Variants in MLIP observed in about 807,000 individuals in gnomAD.
MLIP encodes the protein muscular LMNA-interacting protein.
A neutral mutation model predicts 84.8 loss-of-function variants in MLIP; 79 were observed. The observed-to-expected ratio is 0.93, with a 90% confidence interval of 0.78 to 1.12. The LOEUF is 1.12. Among genes scored for constraint, MLIP ranks in the 50% most tolerant of loss-of-function variants. The pLI, the probability that MLIP is intolerant of heterozygous loss-of-function variation, is 0.00. For missense variants in MLIP, 1,257 were observed against 1,160.6 expected (o/e 1.08, Z -1.21); for synonymous variants, 504 against 463.0 (o/e 1.09, Z -1.14).
At chr6:54,116,731 C>G (rs1445995651) in intron 1 of MLIP, among the ~76,000 whole-genome samples, 3 of 152,196 alleles carry the variant, frequency 2.0e-5, no homozygotes, top group Non-Finnish European at 4.4e-5. Flanking sequence ...GGAATACTTC[C>G]AACCTCATTC....
upstream of MLIP, among the ~76,000 whole-genome samples, chr6:54,106,808 A>C (rs1419393244): frequency 6.6e-6 from 1 of 152,164 alleles, no homozygotes; most frequent in Non-Finnish European, 1.5e-5. Context: ...GTGTGAGTGA[A>C]GTCATCCAGA....
At chr6:54,083,750 C>T (rs1767314189) in intron 1 of MLIP, 2 of 994,810 alleles carry the variant, frequency 2.0e-6, no homozygotes, top group Non-Finnish European at 3.0e-6. Flanking sequence ...GGTGGCATGG[C>T]TGTTTATAAT....
rs1771952142 is a variant in MLIP at position 54,137,840 on chromosome 6, T to C, written c.1771T>C (p.Leu591=). 1 of 1,536,088 alleles carries C rather than the reference T, an allele frequency of 6.5e-7. No individual in the cohort carries two copies. Among genetic ancestry groups the C allele is most frequent in the African/African-American group, 1.4e-5 (1 of 73,162 alleles). The change falls in exon 4 of 14, where the codon TTA becomes CTA. Residue 591 remains leucine, a synonymous_variant. Coordinates refer to ENST00000502396, the MANE Select transcript of MLIP (RefSeq NM_001281747.2). The stretch of plus-strand genomic sequence containing the variant: ...CCCTTCTACATTAGCCTCCTCTGCA[T>C]TATCTTCTCTATCTCCTCCTATTAA... The part of the protein sequence containing the change: ...TYPSTLASSA[L]SSLSPPINQR...
rs190117307 is a variant in MLIP at position 54,186,486 on chromosome 6, A to G, written c.2545-3384A>G. On this transcript the variant is annotated intron_variant, in intron 9 of 13. Coordinates refer to ENST00000502396, the MANE Select transcript of MLIP (RefSeq NM_001281747.2). Reference sequence around the variant, plus strand: ...TATTAGCCCATTTTCATACTGCTATAAAGAACTGTCTGAGACTGGGTAATT... The same window carrying G: ...TATTAGCCCATTTTCATACTGCTATGAAGAACTGTCTGAGACTGGGTAATT... 2.6e-4 allele frequency among the ~76,000 whole-genome samples: 40 copies of G among 152,350 alleles called. 1 individual carries two copies. The highest frequency in any genetic ancestry group is 1.4e-3 in the Admixed American group (21 of 15,292).
chr6:54,025,004 ATTTTT>A (rs79753738), intron 1 of MLIP, among the ~76,000 whole-genome samples: 1 of 140,008 alleles, frequency 7.1e-6, no homozygotes, highest in Non-Finnish European at 1.5e-5. Flanking sequence ...TGCCCAGCTA[ATTTTT>A]TTTTTTTTTT....
chr6:54,137,982 C>T lies in MLIP; in HGVS notation c.1913C>T (p.Pro638Leu). The T allele has an allele frequency of 6.5e-7, 1 of 1,535,952 alleles. No individual in the cohort carries two copies. Among genetic ancestry groups the T allele is most frequent in the South Asian group, 1.2e-5 (1 of 84,054 alleles). Residue 638 changes from proline (P) to leucine (L), a missense_variant, in exon 4 of 14, where the codon CCT (proline) becomes CTT (leucine). Transcript: ENST00000502396. Reference sequence around the variant, plus strand: ...CAACTATCTGGCCAGGAGCTGAATCCTTCAGCTCTTCCTTCACTCCCTGTC... The same window carrying T: ...CAACTATCTGGCCAGGAGCTGAATCTTTCAGCTCTTCCTTCACTCCCTGTC... ...SSQLSGQELN[P>L]SALPSLPVSS...
intron 1 of MLIP, among the ~76,000 whole-genome samples, chr6:54,063,997 T>C (rs1328338711): frequency 7.8e-5 from 4 of 51,142 alleles, no homozygotes; most frequent in African/African-American, 1.3e-4. Flanking sequence ...TTATTCTTGT[T>C]TGGATTTTTG....
chr6:54,074,801 T>A (rs1011763523), intron 1 of MLIP, among the ~76,000 whole-genome samples: 1 of 152,160 alleles, frequency 6.6e-6, no homozygotes, highest in African/African-American at 2.4e-5. Context: ...ATATGGAGCC[T>A]GCATGTCTGT....
At chr6:54,195,207 A>C (rs572210781) in intron 10 of MLIP, among the ~76,000 whole-genome samples, 1 of 152,162 alleles carries the variant, frequency 6.6e-6, no homozygotes, top group Admixed American at 6.5e-5. Context: ...TGAGCCCATA[A>C]AATTAGTAGA....
intron 8 of MLIP, among the ~76,000 whole-genome samples, chr6:54,161,416 G>C (rs1444778458): frequency 6.6e-6 from 1 of 151,664 alleles, no homozygotes; most frequent in East Asian, 1.9e-4. Flanking sequence ...TTATAAAATA[G>C]TTATTTTCAT....
At chr6:54,126,639 A>G (rs190623221) in intron 3 of MLIP, among the ~76,000 whole-genome samples, 53 of 152,222 alleles carry the variant, frequency 3.5e-4, no homozygotes, top group Middle Eastern at 3.4e-3. Context: ...AAATAAGATG[A>G]CCATTGCCAC....
At chr6:54,253,022 C>T (rs999799710) in intron 12 of MLIP, among the ~76,000 whole-genome samples, 4 of 152,030 alleles carry the variant, frequency 2.6e-5, no homozygotes, top group Admixed American at 2.6e-4. Context: ...CCATCGAATT[C>T]TTCCTTTCTT....
At chr6:54,066,357 C>T (rs1362712982) in intron 1 of MLIP, among the ~76,000 whole-genome samples, 1 of 100,356 alleles carries the variant, frequency 1.0e-5, no homozygotes, top group East Asian at 2.6e-4. Context: ...TCATAAAACC[C>T]TCATTATCCT....
chr6:54,032,294 G>C (rs1229845642), intron 1 of MLIP: 1 of 152,146 alleles, frequency 6.6e-6, no homozygotes, highest in Non-Finnish European at 1.5e-5. Context: ...TATGATTACA[G>C]AGATACTTAT....
At chr6:54,236,836 G>C (rs1582589187) in intron 12 of MLIP, among the ~76,000 whole-genome samples, 1 of 151,944 alleles carries the variant, frequency 6.6e-6, no homozygotes, top group East Asian at 1.9e-4. Flanking sequence ...CCATGAGTTT[G>C]GTGCTAATGA....
At chr6:54,204,586 C>T (rs1778912373) in intron 11 of MLIP, among the ~76,000 whole-genome samples, 1 of 152,142 alleles carries the variant, frequency 6.6e-6, no homozygotes, top group Non-Finnish European at 1.5e-5. Context: ...ATGCATTTTA[C>T]TTCAAGCAAG....
intron 11 of MLIP, among the ~76,000 whole-genome samples, chr6:54,221,103 G>C (rs1780188610): frequency 6.6e-6 from 1 of 152,010 alleles, no homozygotes; most frequent in South Asian, 2.1e-4. Flanking sequence ...TGCAAGTGGG[G>C]TTCCTGATAT....
At chr6:54,185,932 C>T (rs1777346230) in intron 9 of MLIP, among the ~76,000 whole-genome samples, 1 of 152,162 alleles carries the variant, frequency 6.6e-6, no homozygotes, top group Admixed American at 6.5e-5. Flanking sequence ...CCTCAGTGCA[C>T]ACTAACCTGG....
At chr6:54,056,125 T>C (rs1303402457) in intron 1 of MLIP, among the ~76,000 whole-genome samples, 2 of 152,328 alleles carry the variant, frequency 1.3e-5, no homozygotes, top group South Asian at 2.1e-4. Flanking sequence ...ACTGTGGACA[T>C]GTCATGTCTA....
Sources: allele counts gnomAD v4.1 joint callset (sites outside exome capture counted in the v4.1 genomes callset), GRCh38; gene constraint gnomAD v4.1.1; transcripts MANE v1.5; gene names NCBI Gene and HGNC (gene_info 2026-07-23, HGNC 2026-07-21).